PPIP5K2: variants seen among roughly 807,000 people sequenced by gnomAD.
PPIP5K2 encodes inositol hexakisphosphate and diphosphoinositol-pentakisphosphate kinase 2.
Under a neutral mutation model 154.6 loss-of-function variants are expected in PPIP5K2, and 105 were observed. That is an observed-to-expected ratio of 0.68 (90% confidence interval 0.58 to 0.80). PPIP5K2 has a LOEUF of 0.80. Ranked by LOEUF, PPIP5K2 falls within the 30% of genes least tolerant of loss-of-function variation. The pLI, the probability that PPIP5K2 is intolerant of heterozygous loss-of-function variation, is 0.00. For missense variants in PPIP5K2, 992 were observed against 1,504.6 expected (o/e 0.66, Z 5.64); for synonymous variants, 480 against 490.3 (o/e 0.98, Z 0.28).
In PPIP5K2 at chr5:103,155,901, T is replaced by C. The variant is rs781972192; in HGVS notation, c.1404-8T>C. 1.9e-6 allele frequency: 3 copies of C among 1,557,082 alleles called. No individual in the cohort carries two copies. The highest frequency in any genetic ancestry group is 1.8e-6 in the Non-Finnish European group (2 of 1,128,840). On this transcript the variant is annotated splice_region_variant and splice_polypyrimidine_tract_variant and intron_variant, in intron 13 of 30. Transcript: ENST00000358359. ...ATGTTCTATTCTGTTTATCATTTTA[T>C]TTTTCAGGTATGGTCATTTTTCTGG...
chr5:103,177,856 T>C lies in PPIP5K2; in HGVS notation c.2638-8T>C, dbSNP rs112779614. On this transcript the variant is annotated splice_region_variant and splice_polypyrimidine_tract_variant and intron_variant, in intron 22 of 30. Transcript: ENST00000358359. ...CTCATTTTGAAAATGTTCTGTCATA[T>C]TTCTTAGGATCTTTCCTCAGAAGAA... is the stretch of plus-strand genomic sequence containing the variant. 2,133 of 1,606,554 alleles carry C rather than the reference T, an allele frequency of 1.3e-3. 6 individuals carry two copies. The highest frequency in any genetic ancestry group is 1.5e-3 in the Non-Finnish European group (1,757 of 1,173,606).
chr5:103,175,373 T>C (rs184180331), intron 21 of PPIP5K2, among the ~76,000 whole-genome samples: 59 of 151,072 alleles, frequency 3.9e-4, no homozygotes, highest in Admixed American at 7.3e-4. Context: ...CTTACATAAG[T>C]ATGTGGATTA....
intron 11 of PPIP5K2, among the ~76,000 whole-genome samples, chr5:103,154,208 T>C (rs1308061897): frequency 1.3e-5 from 2 of 152,014 alleles, no homozygotes; most frequent in Non-Finnish European, 2.9e-5. Context: ...CTTATCACTC[T>C]CTTGTATTGC....
At chr5:103,181,392 A>AC (rs1799525878) in intron 24 of PPIP5K2, among the ~76,000 whole-genome samples, 1 of 151,812 alleles carries the variant, frequency 6.6e-6, no homozygotes, top group Non-Finnish European at 1.5e-5. Context: ...ATATGGTGAA[A>AC]CCCCGTCTCT....
intron 17 of PPIP5K2, among the ~76,000 whole-genome samples, chr5:103,160,794 G>A (rs1322019839): frequency 6.6e-6 from 1 of 152,018 alleles, no homozygotes; most frequent in East Asian, 1.9e-4. Context: ...TGGACTGTTA[G>A]GATTAAAGTT....
chr5:103,191,033 A>G, intron 29 of PPIP5K2, 51 bp downstream of exon 29: 1 of 1,535,902 alleles, frequency 6.5e-7, no homozygotes, highest in South Asian at 1.2e-5. Context: ...GCAACTACAT[A>G]CTATCTGAGT....
intron 5 of PPIP5K2, among the ~76,000 whole-genome samples, chr5:103,144,928 A>C (rs1439028370): frequency 6.6e-6 from 1 of 152,164 alleles, no homozygotes; most frequent in Non-Finnish European, 1.5e-5. Flanking sequence ...ATATCAACCT[A>C]AAAAACTTCT....
At chr5:103,130,073 G>T (rs1277117148) in intron 2 of PPIP5K2, among the ~76,000 whole-genome samples, 1 of 152,064 alleles carries the variant, frequency 6.6e-6, no homozygotes, top group Non-Finnish European at 1.5e-5. Flanking sequence ...AAAAGAAGAA[G>T]GATTACTTAA....
intron 21 of PPIP5K2, among the ~76,000 whole-genome samples, chr5:103,176,712 C>T (rs558250289): frequency 3.4e-4 from 52 of 151,988 alleles, no homozygotes; most frequent in African/African-American, 1.2e-3. Flanking sequence ...CTGTGATGTA[C>T]GTATAATTTA....
rs1562522906 is a variant in PPIP5K2 at position 103,201,575 on chromosome 5, A to T, written c.3673A>T (p.Asn1225Tyr). The stretch of plus-strand genomic sequence containing the variant: ...TCCTAATACCTCATCTCGGAAAAAG[A>T]ATATAACTAGCAAAACAGAAACGCA... The part of the protein sequence containing the change: ...VVPNTSSRKK[N>Y]ITSKTETHEH... Residue 1225 changes from asparagine to tyrosine, a missense_variant, in exon 31 of 31, where the codon AAT becomes TAT. By Grantham distance (143) the Asn-to-Tyr change is moderately radical (BLOSUM62 -2). Coordinates refer to ENST00000358359, the MANE Select transcript of PPIP5K2 (RefSeq NM_001276277.3). 2 of 1,611,616 alleles carry T rather than the reference A, an allele frequency of 1.2e-6. No homozygotes were observed. Among genetic ancestry groups the T allele is most frequent in the East Asian group, 2.2e-5 (1 of 44,732 alleles).
chr5:103,189,347 G>T, intron 28 of PPIP5K2: 2 of 683,346 alleles, frequency 2.9e-6, no homozygotes, highest in Non-Finnish European at 4.6e-6. Context: ...ATGTAGTCTA[G>T]AGGAACTTAA....
In PPIP5K2 at chr5:103,186,220, C is replaced by A. The variant is rs543631482; in HGVS notation, c.3170-100C>A. On this transcript the variant is annotated intron_variant, in intron 26 of 30. Coordinates refer to ENST00000358359, the MANE Select transcript of PPIP5K2 (RefSeq NM_001276277.3). The stretch of plus-strand genomic sequence containing the variant: ...TGTTCAAGGCACTTCCAAAGGTTGC[C>A]TTATATGTGGTAAGAGCCATGTTAA... 4.3e-4 allele frequency: 645 copies of A among 1,493,344 alleles called. 6 individuals carry two copies. The highest frequency in any genetic ancestry group is 1.4e-3 in the South Asian group (116 of 82,266). The allele number at this position is 1,493,344 out of a possible 1,614,324, so 92.5% of individuals were successfully genotyped here.
chr5:103,153,648 T>TC (rs530924102), intron 10 of PPIP5K2, among the ~76,000 whole-genome samples, 200 bp from the exon 11 acceptor site: 41 of 151,978 alleles, frequency 2.7e-4, no homozygotes, highest in Non-Finnish European at 5.3e-4. Flanking sequence ...ATCACCTCCC[T>TC]CCCCCAGCTT....
chr5:103,189,016 C>T, intron 28 of PPIP5K2: 1 of 541,198 alleles, frequency 1.8e-6, no homozygotes, highest in Non-Finnish European at 3.2e-6. Context: ...TTGACTCTTC[C>T]TTTTACTTTT....
intron 19 of PPIP5K2, among the ~76,000 whole-genome samples, chr5:103,172,810 G>T (rs1412863322): frequency 6.6e-6 from 1 of 151,664 alleles, no homozygotes; most frequent in Admixed American, 6.6e-5. Flanking sequence ...TACATATTGT[G>T]CTTTAGTGTT....
At chr5:103,154,209 C>T (rs1795053674) in intron 11 of PPIP5K2, among the ~76,000 whole-genome samples, 1 of 151,936 alleles carries the variant, frequency 6.6e-6, no homozygotes, top group Admixed American at 6.5e-5. Context: ...TTATCACTCT[C>T]TTGTATTGCA....
intron 5 of PPIP5K2, among the ~76,000 whole-genome samples, chr5:103,142,518 C>T (rs1033394819): frequency 7.9e-5 from 12 of 152,214 alleles, no homozygotes; most frequent in Non-Finnish European, 1.3e-4. Context: ...GCTCCTCAAG[C>T]GCCGCCAAAG....
intron 28 of PPIP5K2, among the ~76,000 whole-genome samples, chr5:103,190,262 T>A (rs1554226460): frequency 6.6e-6 from 1 of 152,008 alleles, no homozygotes; most frequent in Non-Finnish European, 1.5e-5. Flanking sequence ...TTCCTAGTAA[T>A]ATAATTATGT....
intron 6 of PPIP5K2, 109 bp downstream of exon 6, chr5:103,146,790 T>A: frequency 1.1e-6 from 1 of 926,478 alleles, no homozygotes; most frequent in Non-Finnish European, 1.5e-6. Flanking sequence ...CTTGAAAATG[T>A]ATCATTTAGA....
Sources: gnomAD v4.1 joint callset for allele counts (sites outside exome capture counted in the v4.1 genomes callset) on GRCh38, gnomAD v4.1.1 for gene constraint, MANE v1.5 for transcripts, NCBI Gene and HGNC (gene_info 2026-07-23, HGNC 2026-07-21) for gene names.